The following UXS1 variants were observed in gnomAD, a reference collection of about 807,000 sequenced individuals.
UXS1 encodes UDP-glucuronic acid decarboxylase 1.
Under a neutral mutation model 62.6 loss-of-function variants are expected in UXS1, and 33 were observed. The ratio of observed to expected loss-of-function variants is 0.53; its 90% CI spans 0.40 to 0.70. UXS1 has a LOEUF of 0.70. Ranked by LOEUF, UXS1 falls within the 30% of genes least tolerant of loss-of-function variation. The pLI, the probability that UXS1 is intolerant of heterozygous loss-of-function variation, is 0.00. For missense variants in UXS1, 434 were observed against 556.3 expected, an observed-to-expected ratio of 0.78 and a Z score of 2.21; for synonymous variants, 213 against 206.8, an observed-to-expected ratio of 1.03 and a Z score of -0.26.
At chr2:106,098,445 A>C (rs1297773412) in intron 13 of UXS1, among the ~76,000 whole-genome samples, 1 of 152,204 alleles carries the variant, frequency 6.6e-6, no homozygotes, top group Admixed American at 6.5e-5. Context: ...GGATGATCTA[A>C]TACAATCGTG....
chr2:106,111,150 G>A (rs1678568597), intron 10 of UXS1, among the ~76,000 whole-genome samples: 2 of 152,196 alleles, frequency 1.3e-5, no homozygotes, highest in Non-Finnish European at 1.5e-5. Context: ...GTGGCTCCAA[G>A]GCTACGGCAA....
In UXS1 at chr2:106,194,244, C is replaced by G. The variant is rs1200144360; in HGVS notation, c.-3G>C. On this transcript the variant is annotated 5_prime_UTR_variant, in exon 1 of 15. Transcript: ENST00000283148. Reference sequence around the variant, plus strand: ...CGCAGCAGCGCCTTGCTCACCATCCCCGGGAGCCGCGCGGGTCCAGGGCCC... The same window carrying G: ...CGCAGCAGCGCCTTGCTCACCATCCGCGGGAGCCGCGCGGGTCCAGGGCCC... 8.4e-6 allele frequency: 12 copies of G among 1,429,372 alleles called. No individual in the cohort carries two copies. The highest frequency in any genetic ancestry group is 1.5e-5 in the African/African-American group (1 of 67,028). The allele number at this position is 1,429,372 out of a possible 1,614,324, so 88.5% of individuals were successfully genotyped here. A position where few individuals can be genotyped will look rare whatever the true frequency, so the allele number is the denominator to read the frequency against.
intron 5 of UXS1, among the ~76,000 whole-genome samples, chr2:106,149,224 T>C (rs964477418): frequency 6.6e-6 from 1 of 152,148 alleles, no homozygotes; most frequent in African/African-American, 2.4e-5. Context: ...TGTGGTGATG[T>C]GTAAAGCAAA....
chr2:106,191,143 AAGG>A (rs1228473452), intron 1 of UXS1, among the ~76,000 whole-genome samples: 3 of 152,192 alleles, frequency 2.0e-5, no homozygotes, highest in African/African-American at 7.2e-5. Flanking sequence ...ATGTGGTATC[AAGG>A]AGGAGACTCA....
chr2:106,138,950 G>C, intron 6 of UXS1: 1 of 908,184 alleles, frequency 1.1e-6, no homozygotes, highest in Non-Finnish European at 1.3e-6. Context: ...GGAGAGAAGA[G>C]GGGAAATTCA....
intron 5 of UXS1, among the ~76,000 whole-genome samples, chr2:106,149,949 G>T (rs1024308360): frequency 6.6e-6 from 1 of 152,180 alleles, no homozygotes; most frequent in Non-Finnish European, 1.5e-5. Context: ...AATATGGACA[G>T]TAAAGGCCAT....
intron 5 of UXS1, among the ~76,000 whole-genome samples, chr2:106,156,813 G>A (rs1331374662): frequency 2.6e-5 from 4 of 152,132 alleles, no homozygotes; most frequent in South Asian, 2.1e-4. Context: ...CTACATTTTC[G>A]ATTCGTGGTT....
intron 11 of UXS1, 24 bp downstream of exon 11, chr2:106,104,770 T>TGGGGC: frequency 6.2e-7 from 1 of 1,613,946 alleles, no homozygotes. Context: ...CTGCTAAGGC[T>TGGGGC]GGGGCAGGGC....
At chr2:106,104,971 A>G in intron 10 of UXS1, 134 bp from the exon 11 acceptor site, 1 of 1,010,164 alleles carries the variant, frequency 9.9e-7, no homozygotes, top group Non-Finnish European at 1.6e-6. Context: ...CAAAGCATCT[A>G]GCACCACATC....
At chr2:106,180,144 A>C (rs1232718124) in intron 1 of UXS1, among the ~76,000 whole-genome samples, 1 of 152,248 alleles carries the variant, frequency 6.6e-6, no homozygotes, top group Non-Finnish European at 1.5e-5. Context: ...TAAAGTAAAA[A>C]AGCAAAGCAC....
At chr2:106,138,354 C>T (rs2104971101) in intron 6 of UXS1, 1 of 985,604 alleles carries the variant, frequency 1.0e-6, no homozygotes, top group East Asian at 1.1e-4. Flanking sequence ...GCCTTCCTCA[C>T]TAGACGATGA....
chr2:106,166,145 G>A lies in UXS1; in HGVS notation c.95-62C>T. Reference sequence around the variant, plus strand: ...TCCACAACTTTCAGGGATTCCAATGGATGGAATCTTAAATTTTAACCAATA... The same window carrying A: ...TCCACAACTTTCAGGGATTCCAATGAATGGAATCTTAAATTTTAACCAATA... On this transcript the variant is annotated intron_variant, in intron 1 of 14. Coordinates refer to ENST00000283148, the MANE Select transcript of UXS1 (RefSeq NM_001253875.2). 9 of 1,465,394 alleles carry A rather than the reference G, an allele frequency of 6.1e-6. No individual in the cohort carries two copies. In the Middle Eastern group the frequency reaches 1.6e-3, roughly 258 times the overall value. The allele number at this position is 1,465,394 out of a possible 1,614,324, so 90.8% of individuals were successfully genotyped here. A position where few individuals can be genotyped will look rare whatever the true frequency, so the allele number is the denominator to read the frequency against.
intron 9 of UXS1, 109 bp from the exon 10 acceptor site, chr2:106,112,874 C>G (rs1678733590): frequency 1.4e-6 from 2 of 1,453,498 alleles, no homozygotes; most frequent in Non-Finnish European, 1.8e-6. Flanking sequence ...GTTCTGCTTT[C>G]CATTCCAAAA....
chr2:106,093,712 C>G lies in UXS1; in HGVS notation c.*314G>C, dbSNP rs1233336619. The G allele has an allele frequency of 4.1e-6, 1 of 241,404 alleles. No homozygotes were observed. The highest frequency in any genetic ancestry group is 7.8e-6 in the Non-Finnish European group (1 of 127,530). 15.0% of individuals were successfully genotyped at this position (241,404 alleles called of 1,614,324 possible). Reference sequence around the variant, plus strand: ...GTTCCTTTTCAGCTTCACAAAGAAACCAGTAAATAAAACTGTCAACGACAG... The same window carrying G: ...GTTCCTTTTCAGCTTCACAAAGAAAGCAGTAAATAAAACTGTCAACGACAG... On this transcript the variant is annotated 3_prime_UTR_variant, in exon 15 of 15. Transcript: ENST00000283148.
At chr2:106,156,869 G>C (rs1682475195) in intron 5 of UXS1, among the ~76,000 whole-genome samples, 1 of 152,072 alleles carries the variant, frequency 6.6e-6, no homozygotes, top group Non-Finnish European at 1.5e-5. Flanking sequence ...AGGGCCTACT[G>C]TATAAATAAA....
At position 106,155,915 on chromosome 2, in the gene UXS1, C is replaced by T. The variant is rs12470773; in HGVS notation, c.291+2143G>A. 1.9e-3 allele frequency among the ~76,000 whole-genome samples: 286 copies of T among 152,226 alleles called. 4 individuals are homozygous for T. Among genetic ancestry groups the T allele is most frequent in the Middle Eastern group, 0.017 (5 of 294 alleles). ...TCAAAAATTAGCTCAAAATGGATCACAGGCCTAAATTTAAGAACAAAATCT... is the reference window on the plus strand; with the variant it reads ...TCAAAAATTAGCTCAAAATGGATCATAGGCCTAAATTTAAGAACAAAATCT... On this transcript the variant is annotated intron_variant, in intron 5 of 14. Coordinates refer to ENST00000283148, the MANE Select transcript of UXS1 (RefSeq NM_001253875.2).
At chr2:106,117,306 C>T (rs1483289997) in intron 9 of UXS1, among the ~76,000 whole-genome samples, 2 of 152,214 alleles carry the variant, frequency 1.3e-5, no homozygotes, top group Non-Finnish European at 2.9e-5. Flanking sequence ...GGATAGCTCA[C>T]ATTTATTTCA....
chr2:106,191,285 G>A (rs1159847596), intron 1 of UXS1, among the ~76,000 whole-genome samples: 3 of 152,210 alleles, frequency 2.0e-5, no homozygotes, highest in Non-Finnish European at 2.9e-5. Context: ...AACAGTGAGG[G>A]TGTATATAAT....
rs915946975 is a variant in UXS1 at position 106,178,768 on chromosome 2, C to T, written c.95-12685G>A. On this transcript the variant is annotated intron_variant, in intron 1 of 14. Transcript: ENST00000283148. ...CCCCCACCCCCAGCCCCCTTTCCCCCGCCCTATGTCTACTCCTCCATCACC... is the reference window on the plus strand; with the variant it reads ...CCCCCACCCCCAGCCCCCTTTCCCCTGCCCTATGTCTACTCCTCCATCACC... Among the ~76,000 whole-genome samples, 4 of 151,574 alleles carry T rather than the reference C, an allele frequency of 2.6e-5. 1 individual carries two copies. Among genetic ancestry groups the T allele is most frequent in the Non-Finnish European group, 4.4e-5 (3 of 67,878 alleles).
Sources: allele counts gnomAD v4.1 joint callset (sites outside exome capture counted in the v4.1 genomes callset), GRCh38; gene constraint gnomAD v4.1.1; transcripts MANE v1.5; gene names NCBI Gene and HGNC (gene_info 2026-07-23, HGNC 2026-07-21).